Variants in DMPK observed in about 807,000 individuals in gnomAD.
DMPK encodes DM1 protein kinase, also known as myotonin-protein kinase.
DMPK carries 32 observed loss-of-function variants against 70.3 expected under a neutral mutation model. The observed-to-expected ratio is 0.46, with a 90% confidence interval of 0.34 to 0.61. DMPK has a LOEUF of 0.61. Ranked by LOEUF, DMPK falls within the 20% of genes least tolerant of loss-of-function variation. The pLI, the probability that DMPK is intolerant of heterozygous loss-of-function variation, is 0.01. For missense variants in DMPK, 899 were observed against 886.0 expected, an observed-to-expected ratio of 1.01 and a Z score of -0.19; for synonymous variants, 469 against 390.9, an observed-to-expected ratio of 1.20 and a Z score of -2.36.
intron 14 of DMPK, 165 bp downstream of exon 14, chr19:45,770,806 G>T: frequency 1.0e-6 from 1 of 996,320 alleles, no homozygotes; most frequent in South Asian, 1.7e-5. Flanking sequence ...AATCCCGTCC[G>T]AACTCGTCAT....
Position 45,776,296 on chromosome 19 carries a change from A to G in DMPK, c.1146+1031T>C, listed in dbSNP as rs1437598343. On this transcript the variant is annotated intron_variant, in intron 8 of 14. Coordinates refer to ENST00000291270, the MANE Select transcript of DMPK (RefSeq NM_004409.5). ...GTAGCTGGGACTACAGGCGCCCGCCACCACGCCTGGCTAATTTTTTGTATT... is the reference window on the plus strand; with the variant it reads ...GTAGCTGGGACTACAGGCGCCCGCCGCCACGCCTGGCTAATTTTTTGTATT... Among the ~76,000 whole-genome samples the G allele has an allele frequency of 2.9e-5, 3 of 103,432 alleles. 1 individual carries two copies. The East Asian group carries it at 1.2e-3, about 42-fold the overall frequency. 67.9% of individuals were successfully genotyped at this position (103,432 alleles called of 152,430 possible).
At chr19:45,770,779 T>C in intron 14 of DMPK, 139 bp from the exon 15 acceptor site, 11 of 1,109,034 alleles carry the variant, frequency 9.9e-6, no homozygotes, top group Non-Finnish European at 1.0e-5. Flanking sequence ...CTGTTGTTAG[T>C]CCACTCGCAC....
intron 14 of DMPK, 105 bp from the exon 15 acceptor site, chr19:45,770,745 C>G: frequency 7.6e-7 from 1 of 1,321,248 alleles, no homozygotes; most frequent in Non-Finnish European, 1.0e-6. Context: ...CCCTGCGCCC[C>G]GCCCCCGCCC....
chr19:45,779,577 C>A, intron 2 of DMPK, 55 bp from the exon 3 acceptor site: 2 of 1,606,456 alleles, frequency 1.2e-6, no homozygotes, highest in Non-Finnish European at 8.5e-7. Context: ...AAAGGGCTCG[C>A]CCAGACCCAA....
Position 45,770,532 on chromosome 19 carries a change from G to C in DMPK, c.1846C>G (p.Leu616Val), listed in dbSNP as rs1214698276. The C allele has an allele frequency of 2.6e-6, 4 of 1,550,598 alleles. No individual in the cohort carries two copies. Among genetic ancestry groups the C allele is most frequent in the Non-Finnish European group, 3.5e-6 (4 of 1,146,866 alleles). The change falls in exon 15 of 15, where the codon CTC (leucine) becomes GTC (valine). Residue 616 changes from leucine to valine, a missense_variant. By Grantham distance (32) the Leu-to-Val change is conservative. Around this residue, in one of 3 missense-constraint regions of DMPK, gnomAD observed 555 missense variants for 483.8 expected, o/e 1.15. Coordinates refer to ENST00000291270, the MANE Select transcript of DMPK (RefSeq NM_004409.5). ...CIGLVAHAGQ[L>V]TAVWRRPGAA... ...CCTGGGCGGCGCCAGACTGCGGTGA[G>C]TTGGCCGGCGTGGGCCACCAACCCA...
At chr19:45,774,815 C>G (rs1178034834) in intron 9 of DMPK, 134 bp downstream of exon 9, 3 of 648,326 alleles carry the variant, frequency 4.6e-6, no homozygotes, top group Non-Finnish European at 8.0e-6. Flanking sequence ...CAACTCTGGC[C>G]TCTTAGGAGT....
In DMPK at chr19:45,777,884, A is replaced by C; in HGVS notation, c.676-11T>G. The C allele has an allele frequency of 6.2e-7, 1 of 1,602,424 alleles. No individual in the cohort carries two copies. The highest frequency in any genetic ancestry group is 8.5e-7 in the Non-Finnish European group (1 of 1,176,974). On this transcript the variant is annotated splice_polypyrimidine_tract_variant and intron_variant, in intron 6 of 14. Coordinates refer to ENST00000291270, the MANE Select transcript of DMPK (RefSeq NM_004409.5). This position sits in a 1 kb window ranked among gnomAD's most constrained non-coding sequence, Gnocchi z 6.7. ...CACCAGCGACCGCACCTGGACCAAAAGGAGCAGAGCGAGGCTTGGGCCCAC... is the reference window on the plus strand; with the variant it reads ...CACCAGCGACCGCACCTGGACCAAACGGAGCAGAGCGAGGCTTGGGCCCAC...
At chr19:45,778,323 G>C in intron 5 of DMPK, 103 bp from the exon 6 acceptor site, 2 of 1,385,196 alleles carry the variant, frequency 1.4e-6, no homozygotes, top group Non-Finnish European at 2.0e-6. Flanking sequence ...CCACTTCCTC[G>C]GGTTCCGCCC....
Position 45,779,354 on chromosome 19 carries a change from C to T in DMPK, c.342G>A (p.Ser114=), listed in dbSNP as rs778048098. 8 of 1,613,982 alleles carry T rather than the reference C, an allele frequency of 5.0e-6. No homozygotes were observed. The highest frequency in any genetic ancestry group is 2.2e-5 in the East Asian group (1 of 44,902). ...ACACGTCCCTCTCCTCACGGAAGCA[C>T]GACACCTGCAGGGCACCCGGAGGAG... is the stretch of plus-strand genomic sequence containing the variant. ...KWDMLKRGEV[S]CFREERDVLV... Residue 114 remains serine (S), a synonymous_variant, in exon 4 of 15, where the codon TCG becomes TCA. Coordinates refer to ENST00000291270, the MANE Select transcript of DMPK (RefSeq NM_004409.5).
At chr19:45,771,506 C>T in intron 12 of DMPK, 62 bp downstream of exon 12, 1 of 1,611,654 alleles carries the variant, frequency 6.2e-7, no homozygotes, top group Non-Finnish European at 8.5e-7. Context: ...ATACACGCCC[C>T]GCGGAGCAGA....
chr19:45,780,628 C>G, intron 1 of DMPK: 1 of 1,004,334 alleles, frequency 1.0e-6, no homozygotes, highest in South Asian at 3.9e-5. Flanking sequence ...GACAGGGAGG[C>G]CTGGACTCCC....
At chr19:45,771,241 C>T in intron 13 of DMPK, 109 bp downstream of exon 13, 1 of 1,433,728 alleles carries the variant, frequency 7.0e-7, no homozygotes. Flanking sequence ...CCTCTAAAGT[C>T]GCAAAGACGT....
chr19:45,781,572 A>T (rs541071823), intron 1 of DMPK, among the ~76,000 whole-genome samples: 2 of 152,176 alleles, frequency 1.3e-5, no homozygotes, highest in South Asian at 4.2e-4. Flanking sequence ...AAAGAAGGAG[A>T]CACACCCAGA....
In DMPK at chr19:45,770,262, C is replaced by CAGCAGCATT; in HGVS notation, c.*225_*226insAATGCTGCT. The CAGCAGCATT allele has an allele frequency of 1.6e-6, 1 of 644,020 alleles. No homozygotes were observed. Among genetic ancestry groups the CAGCAGCATT allele is most frequent in the East Asian group, 3.6e-5 (1 of 27,748 alleles). The allele number at this position is 644,020 out of a possible 1,614,324, so 39.9% of individuals were successfully genotyped here. ...GCAGCAGCAGCAGCAGCAGCAGCAGCAGCATTCCCGGCTACAAGGACCCTT... is the reference window on the plus strand; with the variant it reads ...GCAGCAGCAGCAGCAGCAGCAGCAGCAGCAGCATTAGCATTCCCGGCTACAAGGACCCTT... On this transcript the variant is annotated 3_prime_UTR_variant, in exon 15 of 15. Transcript: ENST00000291270.
chr19:45,770,670 G>A, intron 14 of DMPK, 30 bp from the exon 15 acceptor site: 2 of 1,546,782 alleles, frequency 1.3e-6, no homozygotes, highest in Non-Finnish European at 1.7e-6. Context: ...TCAACACCCG[G>A]CATGGGCCTC....
intron 8 of DMPK, chr19:45,776,630 A>G (rs1169109131): frequency 6.6e-6 from 1 of 151,860 alleles, no homozygotes; most frequent in Non-Finnish European, 1.5e-5. Context: ...CCAATTTTTA[A>G]AACATTTTTG....
intron 10 of DMPK, among the ~76,000 whole-genome samples, chr19:45,772,150 G>A (rs1969498142): frequency 6.6e-6 from 1 of 152,140 alleles, no homozygotes. Context: ...AGGGACCAGA[G>A]GGCTGGTGCT....
At chr19:45,781,681 C>T (rs932554273) in intron 1 of DMPK, among the ~76,000 whole-genome samples, 1 of 152,186 alleles carries the variant, frequency 6.6e-6, no homozygotes, top group Non-Finnish European at 1.5e-5. Context: ...GAGTCACCGC[C>T]CTCCCAGTGC....
At chr19:45,770,751 C>G in intron 14 of DMPK, 111 bp from the exon 15 acceptor site, 3 of 1,287,982 alleles carry the variant, frequency 2.3e-6, no homozygotes, top group South Asian at 1.5e-5. Context: ...GCCCCGCCCC[C>G]GCCCCAACAG....
Sources: gnomAD v4.1 joint callset for allele counts (sites outside exome capture counted in the v4.1 genomes callset) on GRCh38, gnomAD v4.1.1 for gene constraint, gnomAD v4.1.1 regional missense constraint, Gnocchi (gnomAD v3.1) non-coding constraint, MANE v1.5 for transcripts, NCBI Gene and HGNC (gene_info 2026-07-23, HGNC 2026-07-21) for gene names.